Variants in BCL2 observed in about 807,000 individuals in gnomAD.
BCL2 encodes the protein apoptosis regulator Bcl-2.
Under a neutral mutation model 14.2 loss-of-function variants are expected in BCL2, and 1 was observed. The ratio of observed to expected loss-of-function variants is 0.07; its 90% CI spans 0.02 to 0.33. The LOEUF is 0.33. Among genes scored for constraint, BCL2 ranks in the 10% least tolerant of loss-of-function variants. The pLI, the probability that BCL2 is intolerant of heterozygous loss-of-function variation, is 0.99. For synonymous variants in BCL2, 151 were observed against 137.2 expected (o/e 1.10, Z -0.70); for missense variants, 247 against 305.9 (o/e 0.81, Z 1.44).
chr18:63,157,935 T>C (rs1424604200), intron 2 of BCL2, among the ~76,000 whole-genome samples: 1 of 152,168 alleles, frequency 6.6e-6, no homozygotes, highest in African/African-American at 2.4e-5. Flanking sequence ...AACATTCTTT[T>C]TCTTTTCTTT....
intron 2 of BCL2, among the ~76,000 whole-genome samples, chr18:63,293,027 A>T (rs1389118177): frequency 1.3e-5 from 2 of 152,136 alleles, no homozygotes; most frequent in Non-Finnish European, 2.9e-5. Flanking sequence ...AGTTCACAAG[A>T]GCCAAGCTGG....
intron 2 of BCL2, among the ~76,000 whole-genome samples, chr18:63,249,738 G>T (rs549582452): frequency 2.9e-5 from 4 of 137,196 alleles, no homozygotes; most frequent in African/African-American, 1.1e-4. Context: ...AAAAAGGCAA[G>T]CTCTGAATTT....
At chr18:63,209,423 GT>G (rs1909936233) in intron 2 of BCL2, among the ~76,000 whole-genome samples, 1 of 152,232 alleles carries the variant, frequency 6.6e-6, no homozygotes, top group African/African-American at 2.4e-5. Context: ...TACAAAGAAA[GT>G]GAGATGATGG....
chr18:63,205,053 T>C (rs183283331), intron 2 of BCL2, among the ~76,000 whole-genome samples: 1 of 152,304 alleles, frequency 6.6e-6, no homozygotes, highest in African/African-American at 2.4e-5. Flanking sequence ...AACACCTTTC[T>C]AAACTGTTCC....
chr18:63,231,826 G>A (rs1910695097), intron 2 of BCL2, among the ~76,000 whole-genome samples: 1 of 151,934 alleles, frequency 6.6e-6, no homozygotes, highest in Non-Finnish European at 1.5e-5. Flanking sequence ...TTTCTTCATG[G>A]ATATTTGTAA....
intron 2 of BCL2, among the ~76,000 whole-genome samples, chr18:63,259,966 G>A (rs1310187209): frequency 1.3e-5 from 2 of 152,154 alleles, no homozygotes; most frequent in African/African-American, 4.8e-5. Flanking sequence ...CTCCACAGCT[G>A]GCCTTTTCTC....
chr18:63,303,433 T>G (rs531387046), intron 2 of BCL2, among the ~76,000 whole-genome samples: 1 of 152,234 alleles, frequency 6.6e-6, no homozygotes, highest in Non-Finnish European at 1.5e-5. Context: ...AGATTTCACC[T>G]TCTAGTTATT....
At chr18:63,193,381 C>G (rs1909341225) in intron 2 of BCL2, among the ~76,000 whole-genome samples, 1 of 151,914 alleles carries the variant, frequency 6.6e-6, no homozygotes, top group Admixed American at 6.6e-5. Flanking sequence ...AAGGGCAACT[C>G]CCCATTTCTC....
At chr18:63,305,556 A>G (rs1913099763) in intron 2 of BCL2, among the ~76,000 whole-genome samples, 1 of 152,160 alleles carries the variant, frequency 6.6e-6, no homozygotes, top group Admixed American at 6.5e-5. Context: ...ACAGATATGG[A>G]ATTTTTTTTT....
intron 2 of BCL2, among the ~76,000 whole-genome samples, chr18:63,171,504 T>C (rs954864308): frequency 2.6e-5 from 4 of 152,336 alleles, no homozygotes; most frequent in East Asian, 1.9e-4. Context: ...AAAGCACTTA[T>C]AATCATGAAA....
chr18:63,165,996 G>A (rs1393858668), intron 2 of BCL2, among the ~76,000 whole-genome samples: 1 of 152,222 alleles, frequency 6.6e-6, no homozygotes, highest in African/African-American at 2.4e-5. Context: ...CAAGTCCACT[G>A]TCATTTTGTT....
In BCL2 at chr18:63,140,648, C is replaced by T. The variant is rs80186902; in HGVS notation, c.586-11889G>A. ...TAGAGGTTCCCAGGAGATGGGGAGA[C>T]GGGGAGACTAGGGAGTCATTGCTAA... is the stretch of plus-strand genomic sequence containing the variant. On this transcript the variant is annotated intron_variant, in intron 2 of 2. Transcript: ENST00000333681. Among the ~76,000 whole-genome samples, 174 of 152,224 alleles carry T rather than the reference C, an allele frequency of 1.1e-3. 2 individuals carry two copies. In the East Asian group the frequency reaches 0.028, roughly 25 times the overall value.
intron 2 of BCL2, among the ~76,000 whole-genome samples, chr18:63,277,445 G>A (rs569028415): frequency 2.2e-4 from 28 of 125,206 alleles, no homozygotes; most frequent in Admixed American, 3.8e-4. Context: ...CCAGCCTGGC[G>A]AGACCCTGTC....
At chr18:63,319,055 T>C in intron 1 of BCL2, 103 bp from the exon 2 acceptor site, 7 of 1,089,362 alleles carry the variant, frequency 6.4e-6, no homozygotes, top group Non-Finnish European at 7.8e-6. Context: ...GTAACACGGC[T>C]AAAAAGAATG....
At chr18:63,291,139 G>A (rs534681702) in intron 2 of BCL2, among the ~76,000 whole-genome samples, 10 of 152,154 alleles carry the variant, frequency 6.6e-5, no homozygotes, top group Non-Finnish European at 1.3e-4. Flanking sequence ...TTTTCCTGTG[G>A]CCTAATTTAT....
At position 63,212,285 on chromosome 18, in the gene BCL2, G is replaced by A. The variant is rs548326951; in HGVS notation, c.586-83526C>T. On this transcript the variant is annotated intron_variant, in intron 2 of 2. Transcript: ENST00000333681. Reference sequence around the variant, plus strand: ...AGAGGTTGCAGTGAGCCAAGAGCATGCCACTGCACTCCAGCCTGGGCGACA... The same window carrying A: ...AGAGGTTGCAGTGAGCCAAGAGCATACCACTGCACTCCAGCCTGGGCGACA... 2.6e-5 allele frequency among the ~76,000 whole-genome samples: 4 copies of A among 151,418 alleles called. 1 individual carries two copies. The highest frequency in any genetic ancestry group is 4.4e-5 in the Non-Finnish European group (3 of 67,804).
In BCL2 at chr18:63,123,553, C is replaced by G. The variant is rs182433677; in HGVS notation, c.*5072G>C. ...CAGTGTTGCAGAATATCAGCCACCT[C>G]TTAAAAGTATCAATCTTAAAAAGAG... On this transcript the variant is annotated 3_prime_UTR_variant, in exon 3 of 3. Transcript: ENST00000333681. The G allele has an allele frequency of 1.8e-3, 382 of 207,762 alleles. 1 individual carries two copies. The highest frequency in any genetic ancestry group is 2.8e-3 in the Non-Finnish European group (288 of 101,926). 12.9% of individuals were successfully genotyped at this position (207,762 alleles called of 1,614,324 possible). A position where few individuals can be genotyped will look rare whatever the true frequency, so the allele number is the denominator to read the frequency against.
At chr18:63,219,732 A>T (rs1339926561) in intron 2 of BCL2, among the ~76,000 whole-genome samples, 2 of 152,186 alleles carry the variant, frequency 1.3e-5, no homozygotes. Flanking sequence ...CTGGCAGGAG[A>T]TGCAAGGGCA....
chr18:63,137,351 G>A (rs762356362), intron 2 of BCL2, among the ~76,000 whole-genome samples: 1 of 152,202 alleles, frequency 6.6e-6, no homozygotes, highest in Admixed American at 6.5e-5. Context: ...AGCACCTGGA[G>A]GTGCAGGACC....
Sources: allele counts gnomAD v4.1 joint callset (sites outside exome capture counted in the v4.1 genomes callset), GRCh38; gene constraint gnomAD v4.1.1; transcripts MANE v1.5; gene names NCBI Gene and HGNC (gene_info 2026-07-23, HGNC 2026-07-21).